The following KCTD16 variants were observed in gnomAD, a reference collection of about 807,000 sequenced individuals.
KCTD16 encodes potassium channel tetramerization domain containing 16.
A neutral mutation model predicts 33.2 loss-of-function variants in KCTD16; 13 were observed. The observed-to-expected ratio is 0.39, with a 90% CI of 0.25 to 0.62. The LOEUF (loss-of-function observed/expected upper bound fraction) is 0.62, where lower values mean the gene tolerates loss of function less well. KCTD16 is among the 20% of genes least tolerant of loss of function. KCTD16 has a pLI of 0.50. For synonymous variants in KCTD16, 197 were observed against 195.3 expected (o/e 1.01, Z -0.07); for missense variants, 441 against 525.1 (o/e 0.84, Z 1.57).
intron 3 of KCTD16, among the ~76,000 whole-genome samples, chr5:144,440,862 G>C (rs1268503834): frequency 2.0e-5 from 3 of 151,840 alleles, no homozygotes; most frequent in East Asian, 1.9e-4. Flanking sequence ...TTTAGCATTA[G>C]GTATATCTCC....
At chr5:144,188,194 G>A (rs766267002) in intron 2 of KCTD16, among the ~76,000 whole-genome samples, 2 of 152,066 alleles carry the variant, frequency 1.3e-5, no homozygotes, top group Non-Finnish European at 2.9e-5. Flanking sequence ...CATTTCATCT[G>A]GATTTTTCTG....
intron 3 of KCTD16, among the ~76,000 whole-genome samples, chr5:144,425,976 A>G (rs1228242224): frequency 6.6e-6 from 1 of 152,100 alleles, no homozygotes; most frequent in Non-Finnish European, 1.5e-5. Flanking sequence ...TCTCCTAAAT[A>G]CACCTTTCAC....
chr5:144,436,964 TAATC>T (rs1393963237), intron 3 of KCTD16, among the ~76,000 whole-genome samples: 15 of 152,136 alleles, frequency 9.9e-5, no homozygotes, highest in African/African-American at 3.6e-4. Context: ...CTACTGGTAT[TAATC>T]AACATTCTTG....
At chr5:144,314,528 C>T (rs1751853953) in intron 3 of KCTD16, among the ~76,000 whole-genome samples, 1 of 152,082 alleles carries the variant, frequency 6.6e-6, no homozygotes, top group African/African-American at 2.4e-5. Flanking sequence ...AAGGCTGGCT[C>T]ACAAACGCAG....
chr5:144,192,226 G>A (rs764663471), intron 2 of KCTD16, among the ~76,000 whole-genome samples: 2 of 152,196 alleles, frequency 1.3e-5, no homozygotes, highest in Admixed American at 6.5e-5. Context: ...GCAAGAGACT[G>A]TGATAACACT....
chr5:144,443,281 AG>A (rs1422395404), intron 3 of KCTD16, among the ~76,000 whole-genome samples: 1 of 152,182 alleles, frequency 6.6e-6, no homozygotes, highest in Non-Finnish European at 1.5e-5. Flanking sequence ...TAAACGCCAT[AG>A]GTCCATTGTT....
chr5:144,297,351 A>AT (rs1218485304), intron 3 of KCTD16, among the ~76,000 whole-genome samples: 1 of 152,228 alleles, frequency 6.6e-6, no homozygotes, highest in African/African-American at 2.4e-5. Flanking sequence ...TGAAAGATTT[A>AT]TTGACTCTAA....
chr5:144,310,582 AT>A (rs140879322), intron 3 of KCTD16, among the ~76,000 whole-genome samples: 32,405 of 144,618 alleles, frequency 0.22, 3,890 homozygotes, highest in Non-Finnish European at 0.28. Flanking sequence ...AAAATATTAT[AT>A]ATTTTTTTTG....
intron 3 of KCTD16, among the ~76,000 whole-genome samples, chr5:144,211,653 A>C (rs1349638362): frequency 6.6e-6 from 1 of 152,184 alleles, no homozygotes; most frequent in Admixed American, 6.6e-5. Flanking sequence ...AAAAATCCAA[A>C]ATCTGAAACA....
intron 3 of KCTD16, among the ~76,000 whole-genome samples, chr5:144,451,646 T>A (rs1265954194): frequency 2.0e-5 from 3 of 152,172 alleles, no homozygotes; most frequent in African/African-American, 7.2e-5. Context: ...AAACAGAAAC[T>A]CAGGCATTTT....
At chr5:144,338,887 C>A (rs575991486) in intron 3 of KCTD16, among the ~76,000 whole-genome samples, 2 of 152,140 alleles carry the variant, frequency 1.3e-5, no homozygotes, top group South Asian at 4.2e-4. Context: ...TCCTTTGGAA[C>A]CAGAGAAAAG....
chr5:144,224,209 AT>A (rs201399800), intron 3 of KCTD16, among the ~76,000 whole-genome samples: 22 of 150,934 alleles, frequency 1.5e-4, no homozygotes, highest in Middle Eastern at 3.5e-3. Context: ...TCCACTTTAC[AT>A]TTTTTTTTAT....
chr5:144,313,279 A>G (rs913698218), intron 3 of KCTD16, among the ~76,000 whole-genome samples: 1 of 152,212 alleles, frequency 6.6e-6, no homozygotes, highest in Non-Finnish European at 1.5e-5. Flanking sequence ...TCAGATTCAT[A>G]TAGCATCCAT....
intron 3 of KCTD16, among the ~76,000 whole-genome samples, chr5:144,286,184 T>G (rs1223975764): frequency 6.6e-6 from 1 of 152,166 alleles, no homozygotes; most frequent in Non-Finnish European, 1.5e-5. Flanking sequence ...TTTGAGATAA[T>G]AGCAAATCTC....
intron 3 of KCTD16, among the ~76,000 whole-genome samples, chr5:144,402,110 T>C (rs1168459788): frequency 6.6e-6 from 1 of 152,140 alleles, no homozygotes; most frequent in Non-Finnish European, 1.5e-5. Context: ...TCATATTCTG[T>C]CTTTAGAAGA....
At chr5:144,283,174 A>G (rs1755652776) in intron 3 of KCTD16, among the ~76,000 whole-genome samples, 2 of 152,146 alleles carry the variant, frequency 1.3e-5, no homozygotes, top group South Asian at 4.1e-4. Flanking sequence ...CATTAGGTAT[A>G]TCTCCTAATG....
rs1459743840 is a variant in KCTD16, at chr5:144,198,767, T to G, written c.-326-7622T>G. On this transcript the variant is annotated intron_variant, in intron 2 of 3. Coordinates refer to ENST00000512467, the MANE Select transcript of KCTD16 (RefSeq NM_020768.4). ...AAGCCCTGTTTTTAAATGAACAAAT[T>G]ATCAATCTCCAAGGGCAAATGTGCT... 5.9e-5 allele frequency among the ~76,000 whole-genome samples: 9 copies of G among 152,176 alleles called. No homozygotes were observed. The East Asian group carries it at 1.2e-3, about 20-fold the overall frequency.
intron 3 of KCTD16, among the ~76,000 whole-genome samples, chr5:144,345,048 C>T (rs1289290314): frequency 6.6e-6 from 1 of 151,912 alleles, no homozygotes; most frequent in East Asian, 1.9e-4. Flanking sequence ...AGTTCATGTC[C>T]TTTGTAGGGA....
intron 3 of KCTD16, among the ~76,000 whole-genome samples, chr5:144,227,391 T>C (rs559687918): frequency 1.4e-4 from 21 of 152,184 alleles, no homozygotes; most frequent in African/African-American, 5.1e-4. Flanking sequence ...AGAAGGGTAG[T>C]GTAGCTGGAA....
Sources: allele counts gnomAD v4.1 joint callset (sites outside exome capture counted in the v4.1 genomes callset), GRCh38; gene constraint gnomAD v4.1.1; transcripts MANE v1.5; gene names NCBI Gene and HGNC (gene_info 2026-07-23, HGNC 2026-07-21).